Variants in DMXL1 observed in about 807,000 individuals in gnomAD.
The protein encoded by DMXL1 is dmX-like protein 1.
Under a neutral mutation model 319.2 loss-of-function variants are expected in DMXL1, and 99 were observed. That is an observed-to-expected ratio of 0.31 (90% CI 0.26 to 0.37). The LOEUF (loss-of-function observed/expected upper bound fraction) is 0.37, where lower values mean the gene tolerates loss of function less well. Ranked by LOEUF, DMXL1 falls within the 10% of genes least tolerant of loss-of-function variation. The pLI is 1.00. For synonymous variants in DMXL1, 1,385 were observed against 1,235.2 expected, an observed-to-expected ratio of 1.12 and a Z score of -2.54; for missense variants, 3,745 against 3,595.6, an observed-to-expected ratio of 1.04 and a Z score of -1.06.
chr5:119,124,761 T>G (rs186697554), intron 9 of DMXL1, among the ~76,000 whole-genome samples: 2 of 152,128 alleles, frequency 1.3e-5, no homozygotes, highest in Non-Finnish European at 1.5e-5. Flanking sequence ...AGATGGTGTT[T>G]CACCATGTTG....
chr5:119,133,823 T>C lies in DMXL1; in HGVS notation c.1899T>C (p.Tyr633=), dbSNP rs754950924. ...TCAGTATTTCCCACAAATCCAGATA[T>C]TGTGGTCATCGTTTTCATCTTAATG... ...TVLSISHKSR[Y]CGHRFHLNDL... Residue 633 remains tyrosine, a synonymous_variant, in exon 12 of 44, where the codon TAT becomes TAC. Transcript: ENST00000539542. The C allele has an allele frequency of 2.5e-6, 4 of 1,614,214 alleles. No individual in the cohort carries two copies. The highest frequency in any genetic ancestry group is 2.2e-5 in the East Asian group (1 of 44,890).
At chr5:119,184,606 A>G (rs1404865646) in intron 28 of DMXL1, among the ~76,000 whole-genome samples, 1 of 152,178 alleles carries the variant, frequency 6.6e-6, no homozygotes, top group Non-Finnish European at 1.5e-5. Flanking sequence ...TAACTTTTTC[A>G]TCTTGCAAAT....
At chr5:119,134,826 T>TA (rs1765643894) in intron 13 of DMXL1, among the ~76,000 whole-genome samples, 1 of 152,242 alleles carries the variant, frequency 6.6e-6, no homozygotes, top group Admixed American at 6.5e-5. Context: ...GCTTTTGCCT[T>TA]ATGACAGGCC....
chr5:119,212,330 T>C (rs901844696), intron 34 of DMXL1, among the ~76,000 whole-genome samples: 9 of 152,244 alleles, frequency 5.9e-5, no homozygotes, highest in African/African-American at 2.2e-4. Context: ...GTGACTAGTT[T>C]ATTTCACCAA....
At chr5:119,240,200 A>G (rs1272514443) in intron 41 of DMXL1, among the ~76,000 whole-genome samples, 2 of 151,498 alleles carry the variant, frequency 1.3e-5, no homozygotes, top group Non-Finnish European at 2.9e-5. Flanking sequence ...TTGAGCCCAG[A>G]AGGTCGAGGC....
At chr5:119,072,535 C>G (rs1749852253) in intron 1 of DMXL1, among the ~76,000 whole-genome samples, 1 of 151,794 alleles carries the variant, frequency 6.6e-6, no homozygotes, top group Non-Finnish European at 1.5e-5. Flanking sequence ...AGGCTTTTTT[C>G]TTTAAAAAAA....
Position 119,120,998 on chromosome 5 carries a change from C to A in DMXL1, c.961C>A (p.Arg321=), listed in dbSNP as rs373070176. 5 of 1,611,988 alleles carry A rather than the reference C, an allele frequency of 3.1e-6. 1 individual carries two copies. The South Asian group carries it at 5.5e-5, about 18-fold the overall frequency. Residue 321 remains arginine (R), a synonymous_variant, in exon 9 of 44, where the codon CGG becomes AGG. Coordinates refer to ENST00000539542, the MANE Select transcript of DMXL1 (RefSeq NM_001290321.3). Reference sequence around the variant, plus strand: ...AAATCTGAGACATTTTCGTAGAGGTCGGAGGAGATCACTTGCTCTTGTAGC... The same window carrying A: ...AAATCTGAGACATTTTCGTAGAGGTAGGAGGAGATCACTTGCTCTTGTAGC... ...EVNLRHFRRG[R]RRSLALVAHT...
chr5:119,124,149 A>C (rs1206353809), intron 9 of DMXL1, among the ~76,000 whole-genome samples: 2 of 151,398 alleles, frequency 1.3e-5, no homozygotes, highest in Non-Finnish European at 2.9e-5. Flanking sequence ...TCTCTACCAA[A>C]AATACAAAAA....
intron 1 of DMXL1, among the ~76,000 whole-genome samples, chr5:119,086,979 A>T (rs1753516181): frequency 6.6e-6 from 1 of 151,448 alleles, no homozygotes; most frequent in African/African-American, 2.4e-5. Context: ...GATTTTATTG[A>T]ATTTGCTGGT....
chr5:119,185,728 C>A (rs190330395), intron 28 of DMXL1, among the ~76,000 whole-genome samples: 111 of 151,186 alleles, frequency 7.3e-4, no homozygotes, highest in Middle Eastern at 3.4e-3. Flanking sequence ...GTCTCAAACT[C>A]CTGGTCTCAC....
At chr5:119,075,755 G>A (rs1314662802) in intron 1 of DMXL1, among the ~76,000 whole-genome samples, 1 of 151,788 alleles carries the variant, frequency 6.6e-6, no homozygotes, top group Non-Finnish European at 1.5e-5. Flanking sequence ...ATGGAGGCTG[G>A]GGTCTCCTTA....
At chr5:119,105,561 C>T (rs982663987) in intron 4 of DMXL1, among the ~76,000 whole-genome samples, 17 of 152,010 alleles carry the variant, frequency 1.1e-4, no homozygotes, top group African/African-American at 4.1e-4. Flanking sequence ...CAGACTTTAG[C>T]AATGAGAGTT....
At chr5:119,163,816 C>G (rs906234793) in intron 19 of DMXL1, among the ~76,000 whole-genome samples, 3 of 152,156 alleles carry the variant, frequency 2.0e-5, no homozygotes, top group African/African-American at 7.2e-5. Context: ...ACCTCGTGAT[C>G]CGCCCGCCTC....
chr5:119,157,885 C>G (rs747888670), intron 19 of DMXL1, among the ~76,000 whole-genome samples: 1 of 152,052 alleles, frequency 6.6e-6, no homozygotes, highest in African/African-American at 2.4e-5. Context: ...ATAGAGATTG[C>G]GTTGAATCTG....
At chr5:119,217,925 G>A (rs946441962) in intron 35 of DMXL1, among the ~76,000 whole-genome samples, 142 of 152,064 alleles carry the variant, frequency 9.3e-4, no homozygotes, top group African/African-American at 3.3e-3. Flanking sequence ...CTTAGACACC[G>A]TTGAGCAATG....
At chr5:119,224,094 T>A (rs924965141) in intron 37 of DMXL1, among the ~76,000 whole-genome samples, 41 of 152,036 alleles carry the variant, frequency 2.7e-4, no homozygotes, top group Middle Eastern at 6.8e-3. Flanking sequence ...CTCCCCACCT[T>A]CTCCACAACT....
intron 1 of DMXL1, among the ~76,000 whole-genome samples, chr5:119,091,750 AG>A (rs1306076883): frequency 6.6e-6 from 1 of 152,106 alleles, no homozygotes; most frequent in South Asian, 2.1e-4. Flanking sequence ...ATCTCAGCAG[AG>A]GGGGAATGCT....
At chr5:119,128,060 G>T in intron 9 of DMXL1, 3 of 450,154 alleles carry the variant, frequency 6.7e-6, no homozygotes, top group Admixed American at 2.7e-5. Flanking sequence ...TTTACTATCA[G>T]TGTAGTCAGT....
chr5:119,153,084 C>G (rs989204948), intron 19 of DMXL1, among the ~76,000 whole-genome samples: 1 of 151,764 alleles, frequency 6.6e-6, no homozygotes, highest in African/African-American at 2.4e-5. Context: ...TCAACTGATT[C>G]TCCTGCCTCA....
Sources: gnomAD v4.1 joint callset for allele counts (sites outside exome capture counted in the v4.1 genomes callset) on GRCh38, gnomAD v4.1.1 for gene constraint, MANE v1.5 for transcripts, NCBI Gene and HGNC (gene_info 2026-07-23, HGNC 2026-07-21) for gene names.